CTNNA2: variants seen among roughly 807,000 people sequenced by gnomAD.
CTNNA2 encodes catenin alpha-2.
In CTNNA2, 42 loss-of-function variants were observed where a neutral mutation model predicts 101.0. The ratio of observed to expected loss-of-function variants is 0.42; its 90% CI spans 0.32 to 0.54. The LOEUF is 0.54. Among genes scored for constraint, CTNNA2 ranks in the 20% least tolerant of loss-of-function variants. The probability of loss-of-function intolerance (pLI) is 0.14; values close to 1 mark genes in which losing one functional copy is unlikely to be tolerated. For missense variants in CTNNA2, 871 were observed against 1,223.1 expected (o/e 0.71, Z 4.29); for synonymous variants, 450 against 456.4 (o/e 0.99, Z 0.18).
intron 2 of CTNNA2, among the ~76,000 whole-genome samples, chr2:79,253,845 G>A (rs1002547503): frequency 3.9e-5 from 6 of 152,192 alleles, no homozygotes; most frequent in African/African-American, 1.4e-4. Flanking sequence ...GTTTATGACT[G>A]GAGCCAACAG....
intron 4 of CTNNA2, among the ~76,000 whole-genome samples, chr2:79,424,524 A>T (rs1678573037): frequency 6.6e-6 from 1 of 152,136 alleles, no homozygotes; most frequent in South Asian, 2.1e-4. Context: ...ATAAACAATA[A>T]CAAAAGCTAC....
intron 7 of CTNNA2, among the ~76,000 whole-genome samples, chr2:80,348,828 T>A (rs1673023778): frequency 6.6e-6 from 1 of 152,092 alleles, no homozygotes; most frequent in African/African-American, 2.4e-5. Context: ...TTGAGATGTT[T>A]GTTAGGTGCG....
At position 79,755,409 on chromosome 2, in the gene CTNNA2, G is replaced by A. The variant is rs541862689; in HGVS notation, c.298+10827G>A. On this transcript the variant is annotated intron_variant, in intron 3 of 18. Coordinates refer to ENST00000402739, the MANE Select transcript of CTNNA2 (RefSeq NM_001282597.3). Reference sequence around the variant, plus strand: ...CCTTGAAGTTGGAATGGAGGATGTCGTTCTTGAGTCTATGAGTGCAGCTGA... The same window carrying A: ...CCTTGAAGTTGGAATGGAGGATGTCATTCTTGAGTCTATGAGTGCAGCTGA... Among the ~76,000 whole-genome samples, 11 of 152,294 alleles carry A rather than the reference G, an allele frequency of 7.2e-5. No homozygotes were observed. The East Asian group carries it at 1.5e-3, about 21-fold the overall frequency.
chr2:79,629,390 T>G (rs1037616303), intron 1 of CTNNA2, among the ~76,000 whole-genome samples: 2 of 152,224 alleles, frequency 1.3e-5, no homozygotes, highest in Non-Finnish European at 2.9e-5. Flanking sequence ...GGCCACATAT[T>G]GGCCATCTTT....
At chr2:79,745,799 A>G (rs931594507) in intron 3 of CTNNA2, among the ~76,000 whole-genome samples, 4 of 152,200 alleles carry the variant, frequency 2.6e-5, no homozygotes, top group African/African-American at 4.8e-5. Flanking sequence ...TTATACATTC[A>G]TCCATTCACG....
At chr2:79,939,219 A>C (rs1330548689) in intron 7 of CTNNA2, among the ~76,000 whole-genome samples, 1 of 152,148 alleles carries the variant, frequency 6.6e-6, no homozygotes, top group East Asian at 1.9e-4. Context: ...TTTATGTCTG[A>C]GTGTGTTGAG....
intron 5 of CTNNA2, among the ~76,000 whole-genome samples, chr2:79,872,392 T>C (rs1365863602): frequency 7.9e-5 from 12 of 152,226 alleles, no homozygotes; most frequent in Admixed American, 7.9e-4. Context: ...TTATTATTTT[T>C]TTTAGTATAG....
intron 1 of CTNNA2, among the ~76,000 whole-genome samples, chr2:79,554,564 G>T (rs1674323009): frequency 6.6e-6 from 1 of 152,084 alleles, no homozygotes; most frequent in African/African-American, 2.4e-5. Context: ...CCCATTGCCA[G>T]GCCATAGGAT....
At chr2:80,166,153 G>A (rs1704678130) in intron 7 of CTNNA2, among the ~76,000 whole-genome samples, 1 of 152,140 alleles carries the variant, frequency 6.6e-6, no homozygotes, top group Non-Finnish European at 1.5e-5. Context: ...CTGAGTGGTA[G>A]GAGTGAGAGG....
chr2:80,043,684 GA>G (rs1348598914), intron 7 of CTNNA2, among the ~76,000 whole-genome samples: 4 of 152,200 alleles, frequency 2.6e-5, no homozygotes, highest in Non-Finnish European at 4.4e-5. Flanking sequence ...GAAGCCTAGA[GA>G]ATTGAATATG....
At chr2:80,146,948 T>TTCATTTAC (rs1703387311) in intron 7 of CTNNA2, among the ~76,000 whole-genome samples, 1 of 132,190 alleles carries the variant, frequency 7.6e-6, no homozygotes. Flanking sequence ...TATTTATTTA[T>TTCATTTAC]TTATTTATTT....
chr2:79,983,117 G>C (rs1691503514), intron 7 of CTNNA2, among the ~76,000 whole-genome samples: 1 of 149,406 alleles, frequency 6.7e-6, no homozygotes, highest in Non-Finnish European at 1.5e-5. Context: ...CCAGTCAACA[G>C]TTTTATATAT....
chr2:80,589,624 G>GA, intron 15 of CTNNA2, 139 bp downstream of exon 15: 4 of 749,808 alleles, frequency 5.3e-6, no homozygotes, highest in Non-Finnish European at 8.4e-6. Flanking sequence ...ACATGTATAA[G>GA]TCAAAATGAT....
At chr2:80,454,177 A>G (rs1325734434) in intron 9 of CTNNA2, among the ~76,000 whole-genome samples, 1 of 152,192 alleles carries the variant, frequency 6.6e-6, no homozygotes, top group Non-Finnish European at 1.5e-5. Flanking sequence ...ATCTTAAAGT[A>G]TTACAATTGA....
At chr2:79,549,866 G>A (rs911717356) in intron 1 of CTNNA2, among the ~76,000 whole-genome samples, 2 of 152,176 alleles carry the variant, frequency 1.3e-5, no homozygotes, top group Non-Finnish European at 2.9e-5. Context: ...AGAACTAGGA[G>A]GAGGGCAATA....
intron 7 of CTNNA2, among the ~76,000 whole-genome samples, chr2:80,222,100 AACACAAGGGCATTTGTCAAT>A (rs1483267778): frequency 5.3e-5 from 8 of 152,300 alleles, no homozygotes; most frequent in African/African-American, 1.9e-4. Flanking sequence ...GCCCAAGCCA[AACACAAGGGCATTTGTCAAT>A]ACACAGTGAG....
chr2:79,554,917 C>A (rs944468527), intron 1 of CTNNA2, among the ~76,000 whole-genome samples: 1 of 152,126 alleles, frequency 6.6e-6, no homozygotes, highest in Admixed American at 6.6e-5. Context: ...GGTATTAAGC[C>A]TATTGATAGT....
chr2:79,466,165 GA>G (rs1243083434), intron 4 of CTNNA2, among the ~76,000 whole-genome samples: 1 of 152,220 alleles, frequency 6.6e-6, no homozygotes, highest in Non-Finnish European at 1.5e-5. Flanking sequence ...ACAGCACCTG[GA>G]AAATCGGGTC....
chr2:79,691,840 A>G (rs1276182694), intron 2 of CTNNA2, among the ~76,000 whole-genome samples: 1 of 152,090 alleles, frequency 6.6e-6, no homozygotes, highest in Non-Finnish European at 1.5e-5. Context: ...CTGAAACTGG[A>G]CCCCTTCCTT....
Sources: gnomAD v4.1 joint callset for allele counts (sites outside exome capture counted in the v4.1 genomes callset) on GRCh38, gnomAD v4.1.1 for gene constraint, MANE v1.5 for transcripts, NCBI Gene and HGNC (gene_info 2026-07-23, HGNC 2026-07-21) for gene names.